Variants in HEMK2 observed in about 807,000 individuals in gnomAD.
HEMK2 encodes the protein HemK methyltransferase 2, ETF1 glutamine and histone H4 lysine, also known as methyltransferase HEMK2.
the HEMK2 span, among the ~76,000 whole-genome samples, chr21:28,608,702 G>C: frequency 6.6e-6 from 1 of 152,178 alleles, no homozygotes; most frequent in Non-Finnish European, 1.5e-5. Context: ...TAAATTCAAT[G>C]CTATTGGCAG....
At chr21:28,780,332 C>T in the HEMK2 span, among the ~76,000 whole-genome samples, 1 of 151,920 alleles carries the variant, frequency 6.6e-6, no homozygotes, top group Non-Finnish European at 1.5e-5. Context: ...CGCGAGCCAC[C>T]ATGCCCAGCT....
At chr21:28,700,830 A>AACACACACAC in the HEMK2 span, among the ~76,000 whole-genome samples, 44 of 150,870 alleles carry the variant, frequency 2.9e-4, no homozygotes, top group East Asian at 2.2e-3. Flanking sequence ...AGCTTGCAGA[A>AACACACACAC]ACACACACAC....
At chr21:28,876,633 A>G in the HEMK2 span, 2 of 523,878 alleles carry the variant, frequency 3.8e-6, no homozygotes, top group South Asian at 3.2e-5. Context: ...AATGTCTACT[A>G]AAGTGAACTT....
chr21:28,609,062 T>C, the HEMK2 span, among the ~76,000 whole-genome samples: 1 of 152,170 alleles, frequency 6.6e-6, no homozygotes, highest in African/African-American at 2.4e-5. Context: ...CCACAGCTGA[T>C]GCACTCTTGA....
At chr21:28,716,863 T>C in the HEMK2 span, among the ~76,000 whole-genome samples, 1 of 152,232 alleles carries the variant, frequency 6.6e-6, no homozygotes, top group African/African-American at 2.4e-5. Context: ...ATTGAAATAA[T>C]CATACAGTTT....
At chr21:28,880,370 T>C in the HEMK2 span, among the ~76,000 whole-genome samples, 1 of 152,210 alleles carries the variant, frequency 6.6e-6, no homozygotes, top group Non-Finnish European at 1.5e-5. Flanking sequence ...TGTTCTATAG[T>C]CTCTTCTATC....
the HEMK2 span, among the ~76,000 whole-genome samples, chr21:28,775,475 C>A: frequency 2.6e-5 from 4 of 151,986 alleles, no homozygotes; most frequent in Admixed American, 2.6e-4. Flanking sequence ...AATATACACA[C>A]ATGTGTAAAA....
the HEMK2 span, among the ~76,000 whole-genome samples, chr21:28,601,448 T>TA: frequency 2.0e-5 from 3 of 152,218 alleles, no homozygotes; most frequent in Non-Finnish European, 2.9e-5. Flanking sequence ...TTCAGCTTCT[T>TA]AGAGTTTTTG....
chr21:28,870,340 A>G, the HEMK2 span, among the ~76,000 whole-genome samples: 1 of 152,210 alleles, frequency 6.6e-6, no homozygotes, highest in Non-Finnish European at 1.5e-5. Flanking sequence ...ATACACTATT[A>G]CTAACTAAAG....
At chr21:28,693,033 G>A in the HEMK2 span, among the ~76,000 whole-genome samples, 1 of 152,076 alleles carries the variant, frequency 6.6e-6, no homozygotes, top group Non-Finnish European at 1.5e-5. Flanking sequence ...TTAGTACTGG[G>A]TTTCTTTGTG....
At chr21:28,771,521 C>CACCCCCA in the HEMK2 span, among the ~76,000 whole-genome samples, 1 of 131,472 alleles carries the variant, frequency 7.6e-6, no homozygotes, top group Admixed American at 7.7e-5. Flanking sequence ...ATGCACCACC[C>CACCCCCA]CCCCCCGCCA....
At chr21:28,693,516 T>C in the HEMK2 span, among the ~76,000 whole-genome samples, 1 of 152,230 alleles carries the variant, frequency 6.6e-6, no homozygotes, top group African/African-American at 2.4e-5. Context: ...AGGTTGTACA[T>C]GTATTTCTTA....
the HEMK2 span, among the ~76,000 whole-genome samples, chr21:28,585,470 A>G: frequency 2.0e-5 from 3 of 152,108 alleles, no homozygotes; most frequent in African/African-American, 7.2e-5. Flanking sequence ...GATAAAGAAC[A>G]TAGAGTACCT....
the HEMK2 span, among the ~76,000 whole-genome samples, chr21:28,746,703 T>C: frequency 7.4e-5 from 11 of 149,466 alleles, 1 homozygote; most frequent in East Asian, 1.9e-3. Flanking sequence ...TGATGATCTA[T>C]GGAGAACATT....
the HEMK2 span, among the ~76,000 whole-genome samples, chr21:28,641,372 T>C: frequency 6.6e-6 from 1 of 152,150 alleles, no homozygotes; most frequent in East Asian, 1.9e-4. Context: ...GTGGTGACAA[T>C]GAACTTGCAG....
chr21:28,869,488 G>T, the HEMK2 span, among the ~76,000 whole-genome samples: 1 of 152,146 alleles, frequency 6.6e-6, no homozygotes, highest in African/African-American at 2.4e-5. Flanking sequence ...TTAGGGGAAA[G>T]AATTATAAGA....
chr21:28,803,279 A>T, the HEMK2 span, among the ~76,000 whole-genome samples: 1 of 152,228 alleles, frequency 6.6e-6, no homozygotes, highest in Admixed American at 6.5e-5. Context: ...CAAGGGATTA[A>T]CATACACATC....
chr21:28,852,294 C>T, the HEMK2 span, among the ~76,000 whole-genome samples: 2 of 152,194 alleles, frequency 1.3e-5, no homozygotes, highest in Non-Finnish European at 2.9e-5. Flanking sequence ...CTGCCAGCTG[C>T]TAAGTATGTC....
chr21:28,814,681 A>G, the HEMK2 span, among the ~76,000 whole-genome samples: 1 of 152,230 alleles, frequency 6.6e-6, no homozygotes, highest in South Asian at 2.1e-4. Context: ...CCACAACGAG[A>G]TACCATCTCA....
Sources: allele counts gnomAD v4.1 joint callset (sites outside exome capture counted in the v4.1 genomes callset), GRCh38; gene constraint gnomAD v4.1.1; transcripts MANE v1.5; gene names NCBI Gene and HGNC (gene_info 2026-07-23, HGNC 2026-07-21).